Variants in DECR1 observed in about 807,000 individuals in gnomAD.
DECR1 encodes the protein 2,4-dienoyl-CoA reductase 1, also known as 2,4-dienoyl-CoA reductase [(3E)-enoyl-CoA-producing], mitochondrial.
Under a neutral mutation model 38.8 loss-of-function variants are expected in DECR1, and 44 were observed. The ratio of observed to expected loss-of-function variants is 1.13; its 90% CI spans 0.89 to 1.46. The LOEUF (loss-of-function observed/expected upper bound fraction) is 1.46. Among genes scored for constraint, DECR1 ranks in the 40% most tolerant of loss-of-function variants. DECR1 has a pLI of 0.00. For synonymous variants in DECR1, 148 were observed against 135.2 expected (o/e 1.09, Z -0.66); for missense variants, 428 against 405.5 (o/e 1.06, Z -0.48).
intron 5 of DECR1, 99 bp downstream of exon 5, chr8:90,021,155 A>G: frequency 1.2e-6 from 1 of 833,568 alleles, no homozygotes; most frequent in Non-Finnish European, 1.7e-6. Context: ...GACAGTCTAC[A>G]CTTGTACAAC....
chr8:90,024,500 G>C (rs546097178), intron 5 of DECR1, among the ~76,000 whole-genome samples: 1 of 152,150 alleles, frequency 6.6e-6, no homozygotes, highest in African/African-American at 2.4e-5. Context: ...GTGTCTGTTG[G>C]CTGCATAAAT....
At chr8:90,032,495 T>A (rs1259097403) in intron 5 of DECR1, among the ~76,000 whole-genome samples, 1 of 152,148 alleles carries the variant, frequency 6.6e-6, no homozygotes, top group East Asian at 1.9e-4. Context: ...CTCTCTTAAA[T>A]CCTGTAATCT....
At chr8:90,013,399 G>GTTTTTTTTTTTTTTTTTTTTTTTTTTTT (rs57505716) in intron 1 of DECR1, among the ~76,000 whole-genome samples, 2 of 77,984 alleles carry the variant, frequency 2.6e-5, no homozygotes, top group South Asian at 5.8e-4. Flanking sequence ...CTCTTCTTTC[G>GTTTTTTTTTTTTTTTTTTTTTTTTTTTT]TTTTTTTTTT....
chr8:90,019,263 G>C (rs900630378), intron 4 of DECR1, 91 bp downstream of exon 4: 3 of 1,101,180 alleles, frequency 2.7e-6, no homozygotes, highest in African/African-American at 3.1e-5. Context: ...TATTGATACT[G>C]ATGTAGGACA....
chr8:90,026,402 T>C (rs1180355398), intron 5 of DECR1, among the ~76,000 whole-genome samples: 1 of 151,870 alleles, frequency 6.6e-6, no homozygotes, highest in Non-Finnish European at 1.5e-5. Flanking sequence ...AATTTCAGAG[T>C]GTGTTATTGG....
Position 90,053,113 on chromosome 8 carries a change from G to A in DECR1, c.*1216G>A, listed in dbSNP as rs1814136316. ...AGGCTGTTGCACTTTTTCTCCACAT[G>A]CTTGCAATACAATACTCTCAAAATA... On this transcript the variant is annotated 3_prime_UTR_variant, in exon 10 of 10. Transcript: ENST00000220764. Among the ~76,000 whole-genome samples, 1 of 151,914 alleles carries A rather than the reference G, an allele frequency of 6.6e-6. No homozygotes were observed. Among genetic ancestry groups the A allele is most frequent in the Non-Finnish European group, 1.5e-5 (1 of 68,004 alleles).
chr8:90,025,382 TC>T (rs1813304909), intron 5 of DECR1, among the ~76,000 whole-genome samples: 1 of 152,224 alleles, frequency 6.6e-6, no homozygotes, highest in Non-Finnish European at 1.5e-5. Flanking sequence ...TTTGTTTGTG[TC>T]CTCTTTTATT....
chr8:90,015,471 C>T, intron 1 of DECR1: 1 of 317,862 alleles, frequency 3.1e-6, no homozygotes, highest in Non-Finnish European at 6.3e-6. Context: ...TAGTTAAAAA[C>T]ATACTGTATA....
At chr8:90,032,990 T>C (rs539929329) in intron 5 of DECR1, among the ~76,000 whole-genome samples, 3 of 152,204 alleles carry the variant, frequency 2.0e-5, no homozygotes, top group Non-Finnish European at 4.4e-5. Flanking sequence ...GGATACGCCC[T>C]ATGTTCCTGT....
chr8:90,032,147 C>G (rs769372345), intron 5 of DECR1, among the ~76,000 whole-genome samples: 15 of 152,050 alleles, frequency 9.9e-5, no homozygotes, highest in Non-Finnish European at 2.2e-4. Flanking sequence ...CTTGGAGGCT[C>G]TAGAAAGAGT....
intron 6 of DECR1, among the ~76,000 whole-genome samples, chr8:90,041,476 T>C (rs1483783905): frequency 6.6e-6 from 1 of 152,210 alleles, no homozygotes; most frequent in African/African-American, 2.4e-5. Flanking sequence ...ACAAGTTCTT[T>C]AGTTTAATTA....
chr8:90,026,548 T>C (rs1813345172), intron 5 of DECR1, among the ~76,000 whole-genome samples: 1 of 152,214 alleles, frequency 6.6e-6, no homozygotes, highest in Non-Finnish European at 1.5e-5. Flanking sequence ...GAGTTTGTAT[T>C]TCTGTGGGAT....
intron 1 of DECR1, chr8:90,015,514 A>T: frequency 2.6e-6 from 1 of 385,706 alleles, no homozygotes; most frequent in Non-Finnish European, 5.3e-6. Flanking sequence ...ACATCACATT[A>T]TAAACATTTT....
intron 5 of DECR1, among the ~76,000 whole-genome samples, chr8:90,032,303 A>T (rs949180987): frequency 2.6e-5 from 4 of 152,146 alleles, no homozygotes; most frequent in Non-Finnish European, 5.9e-5. Context: ...GGACTGGTAC[A>T]TCTCAGAGCC....
intron 8 of DECR1, among the ~76,000 whole-genome samples, chr8:90,047,086 T>A (rs557640363): frequency 6.6e-6 from 1 of 152,236 alleles, no homozygotes; most frequent in Non-Finnish European, 1.5e-5. Context: ...ACAGGCCAAA[T>A]TGTAGAGACC....
At chr8:90,018,154 C>T (rs2130049027) in intron 2 of DECR1, among the ~76,000 whole-genome samples, 1 of 152,240 alleles carries the variant, frequency 6.6e-6, no homozygotes, top group East Asian at 1.9e-4. Context: ...TCCCAAAGTG[C>T]TGGGATTACA....
intron 6 of DECR1, among the ~76,000 whole-genome samples, chr8:90,040,494 C>G (rs1412145985): frequency 1.3e-5 from 2 of 152,088 alleles, no homozygotes; most frequent in Non-Finnish European, 1.5e-5. Flanking sequence ...TAAAATTATA[C>G]TTTAAGTTCT....
intron 5 of DECR1, among the ~76,000 whole-genome samples, chr8:90,029,969 G>A (rs1586154299): frequency 1.3e-5 from 2 of 152,064 alleles, no homozygotes; most frequent in East Asian, 3.9e-4. Flanking sequence ...TTAGCACAGT[G>A]GTCCCCAGCC....
chr8:90,015,641 C>G, intron 1 of DECR1: 1 of 456,548 alleles, frequency 2.2e-6, no homozygotes, highest in Non-Finnish European at 4.4e-6. Flanking sequence ...GCCTATTTAG[C>G]TACAGGAATA....
Sources: allele counts gnomAD v4.1 joint callset (sites outside exome capture counted in the v4.1 genomes callset), GRCh38; gene constraint gnomAD v4.1.1; transcripts MANE v1.5; gene names NCBI Gene and HGNC (gene_info 2026-07-23, HGNC 2026-07-21).